Variants in ADCY8 observed in about 807,000 individuals in gnomAD.
The protein encoded by ADCY8 is adenylate cyclase 8, also known as adenylate cyclase type 8.
A neutral mutation model predicts 119.7 loss-of-function variants in ADCY8; 51 were observed. That is an observed-to-expected ratio of 0.43 (90% CI 0.34 to 0.54). ADCY8 has a LOEUF of 0.54. ADCY8 is among the 20% of genes least tolerant of loss of function. The pLI is 0.03. For missense variants in ADCY8, 1,383 were observed against 1,598.8 expected, an observed-to-expected ratio of 0.87 and a Z score of 2.30; for synonymous variants, 665 against 651.0, an observed-to-expected ratio of 1.02 and a Z score of -0.33.
At chr8:130,990,287 G>T in intron 2 of ADCY8, 106 bp downstream of exon 2, 2 of 1,394,602 alleles carry the variant, frequency 1.4e-6, no homozygotes, top group South Asian at 2.9e-5. Flanking sequence ...TAAACTTTAA[G>T]AGAACACTTT....
chr8:130,850,138 G>T (rs543017772), intron 9 of ADCY8, among the ~76,000 whole-genome samples: 4 of 152,084 alleles, frequency 2.6e-5, no homozygotes, highest in Non-Finnish European at 5.9e-5. Context: ...GCTGTGGGAT[G>T]AACCCACATA....
intron 4 of ADCY8, among the ~76,000 whole-genome samples, chr8:130,938,921 T>C (rs1289699123): frequency 6.6e-6 from 1 of 152,186 alleles, no homozygotes; most frequent in African/African-American, 2.4e-5. Context: ...ATTCATTAAA[T>C]AAAAGAAGCT....
chr8:130,947,566 G>A lies in ADCY8; in HGVS notation c.1242-4104C>T, dbSNP rs58030585. Reference sequence around the variant, plus strand: ...CATTTTGCTTGTTCGTGAAACTCTAGTCTACAGGACAGATGTAGTGATCAC... The same window carrying A: ...CATTTTGCTTGTTCGTGAAACTCTAATCTACAGGACAGATGTAGTGATCAC... On this transcript the variant is annotated intron_variant, in intron 3 of 17. Transcript: ENST00000286355. Among the ~76,000 whole-genome samples, 1,309 of 152,280 alleles carry A rather than the reference G, an allele frequency of 8.6e-3. 17 individuals carry two copies. The highest frequency in any genetic ancestry group is 0.03 in the African/African-American group (1,245 of 41,560).
rs563457754 is a variant in ADCY8, at chr8:130,987,266, A to G, written c.1110+3127T>C. Among the ~76,000 whole-genome samples, 11 of 152,148 alleles carry G rather than the reference A, an allele frequency of 7.2e-5. No individual in the cohort carries two copies. The South Asian group carries it at 2.3e-3, about 32-fold the overall frequency. On this transcript the variant is annotated intron_variant, in intron 2 of 17. Transcript: ENST00000286355. ...TCAGCTCAGGTAAAATTTTTTTTCG[A>G]TAGCCTTCTGCAAGCCTCCAGGTTA...
At chr8:130,918,328 C>T (rs1018971217) in intron 5 of ADCY8, among the ~76,000 whole-genome samples, 1 of 152,140 alleles carries the variant, frequency 6.6e-6, no homozygotes, top group Non-Finnish European at 1.5e-5. Context: ...AGAGAGCCAG[C>T]AAGCTCTCTG....
chr8:131,021,708 T>C (rs1823675046), intron 1 of ADCY8, among the ~76,000 whole-genome samples: 1 of 152,156 alleles, frequency 6.6e-6, no homozygotes, highest in Non-Finnish European at 1.5e-5. Flanking sequence ...CTCTTTTGCT[T>C]GGCACTTCTC....
chr8:130,880,871 C>G (rs865870595), intron 8 of ADCY8, among the ~76,000 whole-genome samples: 21 of 152,150 alleles, frequency 1.4e-4, no homozygotes, highest in African/African-American at 4.8e-4. Context: ...ATAGGAAATT[C>G]ACAGATTTAT....
chr8:130,896,215 T>C (rs1252261638), intron 7 of ADCY8, among the ~76,000 whole-genome samples: 1 of 152,270 alleles, frequency 6.6e-6, no homozygotes, highest in South Asian at 2.1e-4. Flanking sequence ...GACCTCTTAG[T>C]AGCACCATCA....
chr8:130,910,057 G>C (rs936481336), intron 5 of ADCY8, among the ~76,000 whole-genome samples, 191 bp from the exon 6 acceptor site: 1 of 150,798 alleles, frequency 6.6e-6, no homozygotes. Context: ...TGATGGTCTC[G>C]ATCTCCTGAC....
At chr8:131,029,474 A>T (rs1241202355) in intron 1 of ADCY8, among the ~76,000 whole-genome samples, 2 of 152,292 alleles carry the variant, frequency 1.3e-5, no homozygotes, top group Middle Eastern at 3.4e-3. Context: ...GGGTATAGAG[A>T]TTCAGAGCCA....
At chr8:130,976,279 C>T (rs1265537968) in intron 2 of ADCY8, among the ~76,000 whole-genome samples, 2 of 152,098 alleles carry the variant, frequency 1.3e-5, no homozygotes, top group African/African-American at 2.4e-5. Flanking sequence ...AAGGGGCTTG[C>T]GAGTGAAGGC....
chr8:130,803,987 A>G (rs1815864479), intron 14 of ADCY8, among the ~76,000 whole-genome samples: 2 of 152,166 alleles, frequency 1.3e-5, no homozygotes, highest in Non-Finnish European at 2.9e-5. Flanking sequence ...AGCAGAGCAA[A>G]GGTAAATGGC....
rs1479504005 is a variant in ADCY8, at chr8:130,842,571, G to A, written c.2502+4853C>T. ...CTAATATTTGTCTATCATGAATACA[G>A]TTATAGCAATTATTTGCCTGGCTGG... On this transcript the variant is annotated intron_variant, in intron 11 of 17. Transcript: ENST00000286355. 4.6e-5 allele frequency among the ~76,000 whole-genome samples: 7 copies of A among 152,020 alleles called. No homozygotes were observed. In the East Asian group the frequency reaches 1.4e-3, roughly 29 times the overall value.
rs140094663 is a variant in ADCY8, at chr8:130,847,496, G to C, written c.2430C>G (p.Asp810Glu). 1.5e-5 allele frequency: 24 copies of C among 1,596,738 alleles called. No individual in the cohort carries two copies. The highest frequency in any genetic ancestry group is 2.2e-5 in the East Asian group (1 of 44,656). Residue 810 changes from aspartate (D) to glutamate (E), a missense_variant, in exon 11 of 18, where the codon GAC becomes GAG. By Grantham distance (45) the Asp-to-Glu change is conservative. This residue lies in a region of ADCY8 where 928 missense variants were observed against 1,163.5 expected (regional missense o/e 0.80). Coordinates refer to ENST00000286355, the MANE Select transcript of ADCY8 (RefSeq NM_001115.3). Reference protein sequence around the residue: ...AILNILWCDFDKSIPLKNLTF... With the variant: ...AILNILWCDFEKSIPLKNLTF... ...TCAGGTTCTTCAAGGGTATCGACTT[G>C]TCAAAATCACACCACAGCTGCGGAT...
In ADCY8 at chr8:130,912,799, C is replaced by T. The variant is rs118041915; in HGVS notation, c.1482-2933G>A. Among the ~76,000 whole-genome samples, 1,283 of 151,996 alleles carry T rather than the reference C, an allele frequency of 8.4e-3. 27 individuals are homozygous for T. The highest frequency in any genetic ancestry group is 0.042 in the Admixed American group (648 of 15,266). ...CTGGGTCATTGTTTTTACTTTAACT[C>T]CCAAGTTAAAAAGCATATGGTACTT... On this transcript the variant is annotated intron_variant, in intron 5 of 17. Coordinates refer to ENST00000286355, the MANE Select transcript of ADCY8 (RefSeq NM_001115.3).
At chr8:130,992,914 C>T (rs1822645749) in intron 1 of ADCY8, among the ~76,000 whole-genome samples, 1 of 152,010 alleles carries the variant, frequency 6.6e-6, no homozygotes, top group East Asian at 1.9e-4. Context: ...TCTTAGCAAA[C>T]CCTACATAGG....
intron 1 of ADCY8, among the ~76,000 whole-genome samples, chr8:131,031,274 G>A (rs1317729891): frequency 1.3e-5 from 2 of 152,144 alleles, no homozygotes; most frequent in Non-Finnish European, 2.9e-5. Flanking sequence ...AGGTCTGTTT[G>A]TTATCAAACT....
chr8:130,832,187 C>T (rs186553480), intron 12 of ADCY8, among the ~76,000 whole-genome samples: 1 of 152,246 alleles, frequency 6.6e-6, no homozygotes, highest in Admixed American at 6.5e-5. Flanking sequence ...TCTCTAGTGA[C>T]TGCTAAGATG....
intron 12 of ADCY8, 86 bp downstream of exon 12, chr8:130,836,191 G>T: frequency 2.1e-6 from 3 of 1,396,166 alleles, no homozygotes; most frequent in Non-Finnish European, 2.9e-6. Context: ...TTAAGTTTTA[G>T]TAATGCAGCG....
Sources: allele counts gnomAD v4.1 joint callset (sites outside exome capture counted in the v4.1 genomes callset), GRCh38; gene constraint gnomAD v4.1.1; regional missense constraint gnomAD v4.1.1; transcripts MANE v1.5; gene names NCBI Gene and HGNC (gene_info 2026-07-23, HGNC 2026-07-21).